The following CNN1 variants were observed in gnomAD, a reference collection of about 807,000 sequenced individuals.
CNN1 encodes the protein calponin 1, also known as calponin-1.
Under a neutral mutation model 35.3 loss-of-function variants are expected in CNN1, and 21 were observed. The ratio of observed to expected loss-of-function variants is 0.60; its 90% CI spans 0.42 to 0.86. The LOEUF (loss-of-function observed/expected upper bound fraction) is 0.86, where lower values mean the gene tolerates loss of function less well. Among genes scored for constraint, CNN1 ranks in the 40% least tolerant of loss-of-function variants. CNN1 has a pLI of 0.00. For synonymous variants in CNN1, 164 were observed against 161.8 expected (o/e 1.01, Z -0.10); for missense variants, 314 against 400.8 (o/e 0.78, Z 1.85).
intron 2 of CNN1, among the ~76,000 whole-genome samples, chr19:11,544,727 T>C (rs1167756196): frequency 7.1e-6 from 1 of 140,158 alleles, no homozygotes; most frequent in Non-Finnish European, 1.5e-5. Context: ...GATCTGAAAC[T>C]CCTAGGCTCA....
At position 11,549,851 on chromosome 19, in the gene CNN1, G is replaced by C; in HGVS notation, c.*56G>C. On this transcript the variant is annotated 3_prime_UTR_variant, in exon 7 of 7. Coordinates refer to ENST00000252456, the MANE Select transcript of CNN1 (RefSeq NM_001299.6). The surrounding 1 kb of genome is among the most constrained non-coding windows in gnomAD (Gnocchi z 5.2). ...AGGGAGGCTGCTGCTGCTCTTGGCT[G>C]GACCCAGCCAGGCCCAGCCGACCCC... 6.4e-7 allele frequency: 1 copy of C among 1,554,576 alleles called. No homozygotes were observed. Among genetic ancestry groups the C allele is most frequent in the Non-Finnish European group, 8.7e-7 (1 of 1,147,120 alleles).
rs747593391 is a variant in CNN1 at position 11,547,904 on chromosome 19, G to A, written c.498G>A (p.Leu166=). Residue 166 remains leucine (L), a synonymous_variant, in exon 5 of 7, where the codon CTG becomes CTA. Transcript: ENST00000252456. ...KLREGRNIIG[L]QMGTNKFASQ... ...GAGAAGGGCGGAACATCATTGGGCTGCAGGTACCGCCCTGTCCTCACTGCG... is the reference window on the plus strand; with the variant it reads ...GAGAAGGGCGGAACATCATTGGGCTACAGGTACCGCCCTGTCCTCACTGCG... 26 of 1,612,916 alleles carry A rather than the reference G, an allele frequency of 1.6e-5. No individual in the cohort carries two copies. In the East Asian group the frequency reaches 5.8e-4, roughly 36 times the overall value.
rs780445477 is a variant in CNN1 at position 11,547,897 on chromosome 19, T to C, written c.491T>C (p.Ile164Thr). The change falls in exon 5 of 7, where the codon ATT becomes ACT. Residue 164 changes from isoleucine (I) to threonine (T), a missense_variant. Ile to Thr is a moderately conservative substitution (Grantham distance 89). Transcript: ENST00000252456. ...PGKLREGRNIIGLQMGTNKFA... is the reference protein window; with the variant it reads ...PGKLREGRNITGLQMGTNKFA... ...AAGCTAAGAGAAGGGCGGAACATCA[T>C]TGGGCTGCAGGTACCGCCCTGTCCT... 5.6e-6 allele frequency: 9 copies of C among 1,613,452 alleles called. No homozygotes were observed. Among genetic ancestry groups the C allele is most frequent in the African/African-American group, 1.3e-5 (1 of 74,884 alleles).
intron 2 of CNN1, 52 bp from the exon 3 acceptor site, chr19:11,546,623 C>T (rs183689513): frequency 2.4e-5 from 39 of 1,603,490 alleles, no homozygotes; most frequent in Admixed American, 3.3e-5. Context: ...CGTGAGCCAC[C>T]GTGCCCAACC....
intron 2 of CNN1, among the ~76,000 whole-genome samples, chr19:11,543,343 G>A (rs1347180830): frequency 7.3e-6 from 1 of 136,580 alleles, no homozygotes; most frequent in East Asian, 2.0e-4. Context: ...GTGAAACCCT[G>A]TCTCAAAAAA....
intron 4 of CNN1, 132 bp downstream of exon 4, chr19:11,547,101 A>G: frequency 7.3e-7 from 1 of 1,377,930 alleles, no homozygotes; most frequent in East Asian, 2.3e-5. Context: ...GGTGCTGTCA[A>G]CAGCGTCCAA....
intron 2 of CNN1, among the ~76,000 whole-genome samples, 165 bp from the exon 3 acceptor site, chr19:11,546,510 A>AT (rs1258752460): frequency 6.6e-6 from 1 of 151,706 alleles, no homozygotes; most frequent in Non-Finnish European, 1.5e-5. Context: ...TAATTTTTGT[A>AT]TTTTTAGTAG....
intron 2 of CNN1, among the ~76,000 whole-genome samples, chr19:11,544,659 C>T (rs1314944322): frequency 3.5e-5 from 5 of 144,186 alleles, no homozygotes; most frequent in Admixed American, 7.0e-5. Context: ...GTGAAGTTTT[C>T]GGGTTTTTTT....
At chr19:11,540,262 C>T (rs115987369) in intron 1 of CNN1, 5,657 of 168,422 alleles carry the variant, frequency 0.034, 124 homozygotes, top group Admixed American at 0.067. Context: ...GAGCCAGGAG[C>T]GAGATAAGAC....
intron 4 of CNN1, among the ~76,000 whole-genome samples, chr19:11,547,475 C>T (rs1207758978): frequency 6.6e-6 from 1 of 152,104 alleles, no homozygotes; most frequent in Non-Finnish European, 1.5e-5. Flanking sequence ...CTTTGGGAGG[C>T]CGAGACAGGT....
rs146920673 is a variant in CNN1, at chr19:11,549,193, A to T, written c.502-130A>T. 1.3e-3 allele frequency: 1,365 copies of T among 1,066,078 alleles called. 21 individuals carry two copies. In the African/African-American group the frequency reaches 0.019, roughly 15 times the overall value. 66.0% of individuals were successfully genotyped at this position (1,066,078 alleles called of 1,614,324 possible). A position where few individuals can be genotyped will look rare whatever the true frequency, so the allele number is the denominator to read the frequency against. ...ACAGAGCAAGACTCCGTCTCAAAAA[A>T]AAATAAATAAAATAAAATAAAAATT... On this transcript the variant is annotated intron_variant, in intron 5 of 6. Transcript: ENST00000252456. The surrounding 1 kb of genome is among the most constrained non-coding windows in gnomAD (Gnocchi z 5.2).
At chr19:11,546,788 G>A (rs763437651) in intron 3 of CNN1, 44 bp from the exon 4 acceptor site, 34 of 1,613,618 alleles carry the variant, frequency 2.1e-5, no homozygotes, top group Non-Finnish European at 2.8e-5. Flanking sequence ...AAGCCCCTCA[G>A]ACCTCCCCTC....
At chr19:11,539,055 GGTCCCTTGAACCCCCTCCTGCCTAT>G in intron 1 of CNN1, 65 bp downstream of exon 1, 1 of 1,403,756 alleles carries the variant, frequency 7.1e-7, no homozygotes, top group Non-Finnish European at 9.5e-7. Flanking sequence ...CTGAGCTTGG[GGTCCCTTGAACCCCCTCCTGCCTAT>G]CCTATGTGAC....
chr19:11,542,579 C>CTT (rs34020199), intron 2 of CNN1, among the ~76,000 whole-genome samples: 3 of 142,476 alleles, frequency 2.1e-5, no homozygotes, highest in African/African-American at 7.7e-5. Flanking sequence ...CCACTGCAAT[C>CTT]TTTTTTTTTT....
Position 11,549,187 on chromosome 19 carries a change from C to CAAAA in CNN1, c.502-130_502-127dup. 1.3e-6 allele frequency: 1 copy of CAAAA among 798,374 alleles called. No individual in the cohort carries two copies. Among genetic ancestry groups the CAAAA allele is most frequent in the African/African-American group, 2.0e-5 (1 of 49,008 alleles). 49.5% of individuals were successfully genotyped at this position (798,374 alleles called of 1,614,324 possible). A position where few individuals can be genotyped will look rare whatever the true frequency, so the allele number is the denominator to read the frequency against. ...TGGGCAACAGAGCAAGACTCCGTCT[C>CAAAA]AAAAAAAAATAAATAAAATAAAATA... On this transcript the variant is annotated intron_variant, in intron 5 of 6. Coordinates refer to ENST00000252456, the MANE Select transcript of CNN1 (RefSeq NM_001299.6). The surrounding 1 kb of genome is among the most constrained non-coding windows in gnomAD (Gnocchi z 5.2).
intron 2 of CNN1, among the ~76,000 whole-genome samples, chr19:11,544,152 T>C (rs1972528187): frequency 6.6e-6 from 1 of 151,674 alleles, no homozygotes; most frequent in South Asian, 2.1e-4. Context: ...GTAAGTGTCC[T>C]GGGGAAAACT....
At chr19:11,545,859 G>A (rs540837398) in intron 2 of CNN1, among the ~76,000 whole-genome samples, 1 of 150,750 alleles carries the variant, frequency 6.6e-6, no homozygotes, top group South Asian at 2.1e-4. Flanking sequence ...CCAGCTACTC[G>A]GAAGGCTGAG....
In CNN1 at chr19:11,547,067, G is replaced by GCGGGGGGCAGGGAT. The variant is rs757529833; in HGVS notation, c.390+104_390+117dup. The GCGGGGGGCAGGGAT allele has an allele frequency of 5.4e-3, 8,289 of 1,549,102 alleles. 38 individuals carry two copies. The highest frequency in any genetic ancestry group is 6.5e-3 in the Non-Finnish European group (7,320 of 1,132,798). On this transcript the variant is annotated intron_variant, in intron 4 of 6. Coordinates refer to ENST00000252456, the MANE Select transcript of CNN1 (RefSeq NM_001299.6). Reference sequence around the variant, plus strand: ...TCCTGAGCCCAGTGAAGGTGGCGGAGCGGGGGGCAGGGATCGGGGAGCAGG... The same window carrying GCGGGGGGCAGGGAT: ...TCCTGAGCCCAGTGAAGGTGGCGGAGCGGGGGGCAGGGATCGGGGGGCAGGGATCGGGGAGCAGG...
At chr19:11,542,866 G>T (rs1022726460) in intron 2 of CNN1, among the ~76,000 whole-genome samples, 8 of 152,224 alleles carry the variant, frequency 5.3e-5, no homozygotes, top group Non-Finnish European at 7.4e-5. Context: ...GAGCCACCGC[G>T]CCCGGCTCCA....
Sources: allele counts gnomAD v4.1 joint callset (sites outside exome capture counted in the v4.1 genomes callset), GRCh38; gene constraint gnomAD v4.1.1; non-coding constraint Gnocchi (gnomAD v3.1); transcripts MANE v1.5; gene names NCBI Gene and HGNC (gene_info 2026-07-23, HGNC 2026-07-21).